Variants in FBXL17 observed in about 807,000 individuals in gnomAD.
The protein encoded by FBXL17 is F-box/LRR-repeat protein 17.
Under a neutral mutation model 66.2 loss-of-function variants are expected in FBXL17, and 22 were observed. The ratio of observed to expected loss-of-function variants is 0.33; its 90% confidence interval spans 0.24 to 0.47. The LOEUF (loss-of-function observed/expected upper bound fraction) is 0.47. FBXL17 is among the 20% of genes least tolerant of loss of function. FBXL17 has a pLI of 1.00. For missense variants in FBXL17, 878 were observed against 948.2 expected (o/e 0.93, Z 0.97); for synonymous variants, 474 against 400.5 (o/e 1.18, Z -2.19).
intron 8 of FBXL17, among the ~76,000 whole-genome samples, chr5:107,871,057 C>CAAAAAAAAA (rs201752049): frequency 1.5e-4 from 10 of 65,886 alleles, no homozygotes; most frequent in African/African-American, 2.3e-4. Context: ...TCTTGGGCGG[C>CAAAAAAAAA]AAAAAAAAAA....
chr5:108,236,385 C>T (rs535571982), intron 4 of FBXL17, among the ~76,000 whole-genome samples: 6 of 151,092 alleles, frequency 4.0e-5, no homozygotes, highest in African/African-American at 1.5e-4. Flanking sequence ...TGGTGGCAGG[C>T]GCCTGTAATC....
intron 4 of FBXL17, among the ~76,000 whole-genome samples, chr5:108,232,805 A>ATATATATATATATATATATATATATATAT (rs70996987): frequency 3.8e-5 from 4 of 105,170 alleles, no homozygotes; most frequent in Non-Finnish European, 6.1e-5. Flanking sequence ...ATATATATAT[A>ATATATATATATATATATATATATATATAT]ATATATACTA....
At chr5:108,222,976 C>T (rs368304284) in intron 5 of FBXL17, among the ~76,000 whole-genome samples, 13 of 152,082 alleles carry the variant, frequency 8.5e-5, no homozygotes, top group South Asian at 4.2e-4. Flanking sequence ...GCCTGGCCCG[C>T]ATCTGTTTTA....
chr5:108,350,450 T>C (rs547918268), intron 3 of FBXL17, among the ~76,000 whole-genome samples: 42 of 152,326 alleles, frequency 2.8e-4, no homozygotes, highest in South Asian at 2.3e-3. Context: ...GAAACATTTC[T>C]ATCCCATTTT....
At chr5:108,230,951 T>A (rs1194037515) in intron 4 of FBXL17, among the ~76,000 whole-genome samples, 23 of 151,584 alleles carry the variant, frequency 1.5e-4, no homozygotes, top group South Asian at 2.1e-4. Context: ...AAATTTTTTT[T>A]AAAAAAAAGC....
At chr5:108,238,345 G>A (rs1755697843) in intron 4 of FBXL17, among the ~76,000 whole-genome samples, 1 of 152,178 alleles carries the variant, frequency 6.6e-6, no homozygotes, top group African/African-American at 2.4e-5. Context: ...CTGAGTTCGT[G>A]TTATGCGCTA....
At chr5:108,319,840 C>G (rs960874468) in intron 4 of FBXL17, among the ~76,000 whole-genome samples, 25 of 151,646 alleles carry the variant, frequency 1.6e-4, no homozygotes, top group Non-Finnish European at 7.4e-5. Flanking sequence ...AAAAAGTCAG[C>G]AGCAATCTTT....
chr5:108,163,603 G>A (rs186237267), intron 6 of FBXL17, among the ~76,000 whole-genome samples: 1,690 of 152,064 alleles, frequency 0.011, 20 homozygotes, highest in Non-Finnish European at 0.017. Flanking sequence ...GGGTTTCACC[G>A]TGGTAGGCAG....
intron 7 of FBXL17, among the ~76,000 whole-genome samples, chr5:107,888,801 A>T (rs1351771116): frequency 6.6e-6 from 1 of 152,168 alleles, no homozygotes; most frequent in East Asian, 1.9e-4. Flanking sequence ...GAACTTTCGC[A>T]TACATGTCTT....
intron 6 of FBXL17, among the ~76,000 whole-genome samples, chr5:108,066,920 C>T (rs1161779004): frequency 2.0e-5 from 3 of 151,892 alleles, no homozygotes; most frequent in African/African-American, 4.8e-5. Context: ...AAAATGAGCA[C>T]TAAGCATTTA....
chr5:108,237,009 TGTA>T lies in FBXL17; in HGVS notation c.1507-12784_1507-12782del, dbSNP rs1302727884. On this transcript the variant is annotated intron_variant, in intron 4 of 8. Coordinates refer to ENST00000542267, the MANE Select transcript of FBXL17 (RefSeq NM_001163315.3). ...GGTTGTCTGACTATCCTCTCTGCCA[TGTA>T]GTAGGTGGTAAAAAAAGACAGCAAC... Among the ~76,000 whole-genome samples the T allele has an allele frequency of 4.6e-5, 7 of 152,256 alleles. No individual in the cohort carries two copies. In the East Asian group the frequency reaches 1.4e-3, roughly 29 times the overall value.
intron 6 of FBXL17, among the ~76,000 whole-genome samples, chr5:108,111,642 G>GT (rs1329377449): frequency 7.9e-5 from 12 of 152,114 alleles, no homozygotes; most frequent in Admixed American, 7.9e-4. Context: ...GATCTCTCAG[G>GT]ATAATCCCCA....
At chr5:108,171,521 GA>G (rs1241542515) in intron 6 of FBXL17, among the ~76,000 whole-genome samples, 3 of 152,120 alleles carry the variant, frequency 2.0e-5, no homozygotes, top group Non-Finnish European at 4.4e-5. Flanking sequence ...CTTAATGAAT[GA>G]AAAACTCTCA....
chr5:108,370,177 G>C (rs1463923989), intron 1 of FBXL17, among the ~76,000 whole-genome samples: 1 of 152,176 alleles, frequency 6.6e-6, no homozygotes, highest in Non-Finnish European at 1.5e-5. Context: ...TACATAGACA[G>C]TGGGCCCAGC....
intron 6 of FBXL17, among the ~76,000 whole-genome samples, chr5:108,167,594 C>T (rs760444145): frequency 4.6e-5 from 7 of 152,152 alleles, no homozygotes; most frequent in Non-Finnish European, 8.8e-5. Flanking sequence ...TATGTAATTG[C>T]TCTGAGTCTA....
At chr5:107,911,904 T>C (rs1041233798) in intron 7 of FBXL17, among the ~76,000 whole-genome samples, 4 of 152,038 alleles carry the variant, frequency 2.6e-5, no homozygotes, top group African/African-American at 4.8e-5. Context: ...AACCGGCCAA[T>C]AAATATATTA....
intron 7 of FBXL17, among the ~76,000 whole-genome samples, chr5:107,970,737 G>T (rs562109107): frequency 6.6e-6 from 1 of 152,228 alleles, no homozygotes; most frequent in Admixed American, 6.5e-5. Context: ...TGCTGCCCTT[G>T]TTACCACACC....
intron 7 of FBXL17, among the ~76,000 whole-genome samples, chr5:108,016,933 C>A (rs990146618): frequency 1.3e-5 from 2 of 152,054 alleles, no homozygotes; most frequent in Admixed American, 6.5e-5. Flanking sequence ...GCATGCGTCA[C>A]CACGCTCAGC....
chr5:107,952,221 A>G (rs1338228114), intron 7 of FBXL17, among the ~76,000 whole-genome samples: 1 of 152,074 alleles, frequency 6.6e-6, no homozygotes, highest in Non-Finnish European at 1.5e-5. Context: ...ATATTTTTAC[A>G]TTTACTCTTT....
Sources: allele counts gnomAD v4.1 joint callset (sites outside exome capture counted in the v4.1 genomes callset), GRCh38; gene constraint gnomAD v4.1.1; transcripts MANE v1.5; gene names NCBI Gene and HGNC (gene_info 2026-07-23, HGNC 2026-07-21).